VPS29: variants seen among roughly 807,000 people sequenced by gnomAD.
VPS29 encodes VPS29 retromer complex component.
A neutral mutation model predicts 20.0 loss-of-function variants in VPS29; 2 were observed. The ratio of observed to expected loss-of-function variants is 0.10; its 90% CI spans 0.04 to 0.31. The LOEUF (loss-of-function observed/expected upper bound fraction) is 0.31. VPS29 is among the 10% of genes least tolerant of loss of function. The pLI, the probability that VPS29 is intolerant of heterozygous loss-of-function variation, is 1.00. For synonymous variants in VPS29, 81 were observed against 79.3 expected, an observed-to-expected ratio of 1.02 and a Z score of -0.12; for missense variants, 120 against 215.3, an observed-to-expected ratio of 0.56 and a Z score of 2.77.
intron 1 of VPS29, among the ~76,000 whole-genome samples, chr12:110,497,200 T>C (rs1471311014): frequency 7.2e-6 from 1 of 139,374 alleles, no homozygotes; most frequent in African/African-American, 2.7e-5. Context: ...AATTTAAAAA[T>C]TTCTTTCTTT....
At chr12:110,498,117 G>C (rs1290587279) in intron 1 of VPS29, among the ~76,000 whole-genome samples, 1 of 151,718 alleles carries the variant, frequency 6.6e-6, no homozygotes, top group Non-Finnish European at 1.5e-5. Context: ...GATTACAAGC[G>C]CTCTCCACTA....
intron 1 of VPS29, chr12:110,499,638 AC>A (rs2062963710): frequency 8.4e-6 from 8 of 953,320 alleles, no homozygotes; most frequent in South Asian, 1.6e-5. Flanking sequence ...ACAAAAAGAA[AC>A]CAAAAAAAAA....
chr12:110,492,599 TTTTATTTATTTA>T (rs58647450), intron 3 of VPS29, among the ~76,000 whole-genome samples: 36,418 of 132,144 alleles, frequency 0.28, 5,458 homozygotes, highest in East Asian at 0.55. Flanking sequence ...TTTATTTTTA[TTTTATTTATTTA>T]TTTATTTATT....
Position 110,496,160 on chromosome 12 carries a change from T to C in VPS29, c.47A>G (p.Asn16Ser). 6 of 1,614,014 alleles carry C rather than the reference T, an allele frequency of 3.7e-6. No homozygotes were observed. In the East Asian group the frequency reaches 1.3e-4, roughly 36 times the overall value. The change falls in exon 2 of 4, where the codon AAC becomes AGC. Residue 16 changes from asparagine to serine, a missense_variant. Transcript: ENST00000549578. ...LGDLHIPHRC[N>S]SLPAKFKKLL... ...TTTTTTGAATTTAGCTGGCAAACTGTTGCACCGGTGTGGGATGTGCAGATC... is the reference window on the plus strand; with the variant it reads ...TTTTTTGAATTTAGCTGGCAAACTGCTGCACCGGTGTGGGATGTGCAGATC...
At chr12:110,499,483 T>A in intron 1 of VPS29, 1 of 1,610,556 alleles carries the variant, frequency 6.2e-7, no homozygotes, top group Admixed American at 1.7e-5. Context: ...ATCCAGTCAG[T>A]AAACAGCCAC....
chr12:110,501,784 G>T, intron 1 of VPS29: 2 of 1,081,192 alleles, frequency 1.8e-6, no homozygotes, highest in Non-Finnish European at 2.7e-6. Context: ...GTGACAGGTC[G>T]GGCTGCTAGA....
intron 3 of VPS29, 128 bp downstream of exon 3, chr12:110,492,848 TCCTGGGCTCAAGCAACCTGC>T (rs1287830606): frequency 1.4e-6 from 1 of 699,776 alleles, no homozygotes; most frequent in Non-Finnish European, 2.3e-6. Flanking sequence ...GGTCTCAAAC[TCCTGGGCTCAAGCAACCTGC>T]CCTGGTCTCC....
chr12:110,491,865 G>A lies in VPS29; in HGVS notation c.*140C>T. 1.5e-6 allele frequency: 1 copy of A among 650,462 alleles called. No individual in the cohort carries two copies. The highest frequency in any genetic ancestry group is 2.7e-5 in the East Asian group (1 of 36,402). 40.3% of individuals were successfully genotyped at this position (650,462 alleles called of 1,614,324 possible). On this transcript the variant is annotated 3_prime_UTR_variant, in exon 4 of 4. Transcript: ENST00000549578. ...TTTACAGGAAGCTTGGAGCAATTATGTATTAACAGAGAAGATGGTATTATA... is the reference window on the plus strand; with the variant it reads ...TTTACAGGAAGCTTGGAGCAATTATATATTAACAGAGAAGATGGTATTATA...
chr12:110,500,266 A>T (rs1454336071), intron 1 of VPS29, among the ~76,000 whole-genome samples: 1 of 152,240 alleles, frequency 6.6e-6, no homozygotes, highest in African/African-American at 2.4e-5. Flanking sequence ...TTGCCAAATA[A>T]AATGCTTTTA....
chr12:110,492,936 A>G, intron 3 of VPS29, 60 bp downstream of exon 3: 1 of 1,444,298 alleles, frequency 6.9e-7, no homozygotes, highest in Non-Finnish European at 9.5e-7. Flanking sequence ...CTTTTACGAA[A>G]TGTCACACAT....
At chr12:110,492,925 T>C (rs2062841307) in intron 3 of VPS29, 71 bp downstream of exon 3, 1 of 1,381,344 alleles carries the variant, frequency 7.2e-7, no homozygotes, top group Middle Eastern at 1.8e-4. Flanking sequence ...CAGCCACATT[T>C]CTTTTACGAA....
chr12:110,496,322 C>T (rs1321940315), intron 1 of VPS29, 119 bp from the exon 2 acceptor site: 3 of 850,314 alleles, frequency 3.5e-6, no homozygotes, highest in Non-Finnish European at 5.2e-6. Context: ...AGAAATTATT[C>T]ATAGGGTTCC....
intron 1 of VPS29, among the ~76,000 whole-genome samples, chr12:110,501,133 G>A (rs1034605556): frequency 6.6e-6 from 1 of 152,124 alleles, no homozygotes; most frequent in Admixed American, 6.5e-5. Flanking sequence ...AGCCGAGATC[G>A]CGGCATTGCA....
intron 1 of VPS29, chr12:110,501,549 A>G (rs1409859659): frequency 6.5e-7 from 1 of 1,535,430 alleles, no homozygotes; most frequent in Non-Finnish European, 8.7e-7. Context: ...AGGGTGGTTT[A>G]TTCCCTTTCC....
chr12:110,501,778 C>G (rs1343041882), intron 1 of VPS29: 2 of 1,076,304 alleles, frequency 1.9e-6, no homozygotes, highest in Non-Finnish European at 2.7e-6. Flanking sequence ...TGTCTCGTGA[C>G]AGGTCGGGCT....
At chr12:110,501,822 C>T in intron 1 of VPS29, 1 of 1,209,874 alleles carries the variant, frequency 8.3e-7, no homozygotes, top group Admixed American at 2.0e-5. Context: ...TGGATGGCCT[C>T]TGGCCCCTTG....
intron 1 of VPS29, chr12:110,498,662 G>A (rs1262745717): frequency 5.4e-6 from 1 of 186,698 alleles, no homozygotes; most frequent in Non-Finnish European, 1.0e-5. Context: ...CTTTAAAATT[G>A]TTAAGTAAGA....
intron 1 of VPS29, among the ~76,000 whole-genome samples, chr12:110,498,262 G>A (rs924608913): frequency 6.6e-6 from 1 of 152,146 alleles, no homozygotes; most frequent in African/African-American, 2.4e-5. Context: ...GTGAGCCACT[G>A]CGCCCAGCCC....
intron 2 of VPS29, among the ~76,000 whole-genome samples, chr12:110,494,090 T>A (rs1218218864): frequency 6.6e-6 from 1 of 152,016 alleles, no homozygotes; most frequent in Non-Finnish European, 1.5e-5. Flanking sequence ...CATCTCCCCG[T>A]CTTTCACCTC....
Sources: gnomAD v4.1 joint callset for allele counts (sites outside exome capture counted in the v4.1 genomes callset) on GRCh38, gnomAD v4.1.1 for gene constraint, MANE v1.5 for transcripts, NCBI Gene and HGNC (gene_info 2026-07-23, HGNC 2026-07-21) for gene names.